The following CEP63 variants were observed in gnomAD, a reference collection of about 807,000 sequenced individuals.
CEP63 encodes the protein centrosomal protein 63.
Under a neutral mutation model 89.1 loss-of-function variants are expected in CEP63, and 84 were observed. The observed-to-expected ratio is 0.94, with a 90% CI of 0.79 to 1.13. The LOEUF (loss-of-function observed/expected upper bound fraction) is 1.13. Ranked by LOEUF, CEP63 falls within the 50% of genes most tolerant of loss-of-function variation. CEP63 has a pLI of 0.00. For synonymous variants in CEP63, 267 were observed against 272.5 expected (o/e 0.98, Z 0.20); for missense variants, 838 against 813.3 (o/e 1.03, Z -0.37).
chr3:134,767,805 A>G, the CEP63 span, among the ~76,000 whole-genome samples: 1 of 152,200 alleles, frequency 6.6e-6, no homozygotes, highest in Admixed American at 6.5e-5. Flanking sequence ...TGCTCTGTTC[A>G]GGGAACTCTT....
chr3:134,741,902 A>C, the CEP63 span, among the ~76,000 whole-genome samples: 1 of 152,124 alleles, frequency 6.6e-6, no homozygotes, highest in African/African-American at 2.4e-5. Context: ...GGAAGCTCAC[A>C]CTTGGCTGGA....
the CEP63 span, chr3:134,615,184 G>A: frequency 6.6e-6 from 1 of 152,110 alleles, no homozygotes; most frequent in Non-Finnish European, 1.5e-5. Flanking sequence ...CTCTCTCCAG[G>A]GCCCCATGCA....
chr3:134,590,357 T>C (rs900756195), downstream of CEP63, among the ~76,000 whole-genome samples: 2 of 152,350 alleles, frequency 1.3e-5, no homozygotes, highest in South Asian at 4.1e-4. Flanking sequence ...AATTGGATAC[T>C]AGGTCAATGC....
chr3:134,589,984 A>C (rs773914087), downstream of CEP63, among the ~76,000 whole-genome samples: 23 of 152,258 alleles, frequency 1.5e-4, no homozygotes, highest in Non-Finnish European at 2.9e-4. Flanking sequence ...TCCTAAGTGA[A>C]CTAACATAGG....
At chr3:134,511,800 GC>G (rs1368589811) in intron 3 of CEP63, among the ~76,000 whole-genome samples, 1 of 152,108 alleles carries the variant, frequency 6.6e-6, no homozygotes, top group African/African-American at 2.4e-5. Context: ...GGGGAAGTCT[GC>G]CCCCATGAGC....
At chr3:134,742,857 C>G in the CEP63 span, among the ~76,000 whole-genome samples, 9,677 of 152,264 alleles carry the variant, frequency 0.064, 530 homozygotes, top group South Asian at 0.31. Flanking sequence ...TTGTGGACTT[C>G]CAGCCTCCAG....
chr3:134,697,026 CT>C, the CEP63 span, among the ~76,000 whole-genome samples: 5 of 152,206 alleles, frequency 3.3e-5, no homozygotes, highest in African/African-American at 9.7e-5. Flanking sequence ...AGCACCAGCC[CT>C]TCTTCAAGGA....
chr3:134,755,228 ACCCTGAGCCCTGAGCCCTGAGCCCTGAG>A, the CEP63 span, among the ~76,000 whole-genome samples: 2 of 150,410 alleles, frequency 1.3e-5, no homozygotes, highest in African/African-American at 4.9e-5. Context: ...AGAGCCCTGA[ACCCTGAGCCCTGAGCCCTGAGCCCTGAG>A]CCCTGAGCCC....
the CEP63 span, among the ~76,000 whole-genome samples, chr3:134,597,392 G>A: frequency 1.3e-3 from 200 of 152,296 alleles, 1 homozygote; most frequent in Admixed American, 1.0e-3. Context: ...GATCCCAGAT[G>A]GCTTTGGGTA....
At chr3:134,691,048 C>A in the CEP63 span, among the ~76,000 whole-genome samples, 1 of 152,278 alleles carries the variant, frequency 6.6e-6, no homozygotes, top group East Asian at 1.9e-4. Flanking sequence ...CGTGCCTGGC[C>A]AAGATATTTT....
the CEP63 span, among the ~76,000 whole-genome samples, chr3:134,642,869 C>A: frequency 8.5e-5 from 13 of 152,200 alleles, no homozygotes; most frequent in African/African-American, 3.1e-4. Flanking sequence ...GAACACATGA[C>A]AGCCTTTCCA....
chr3:134,628,719 A>G, the CEP63 span, among the ~76,000 whole-genome samples: 2 of 152,194 alleles, frequency 1.3e-5, no homozygotes, highest in Non-Finnish European at 2.9e-5. Context: ...ATTTAATCTC[A>G]TAATAATCTT....
chr3:134,590,743 TTTTTTGCATACCTTTCACCA>T (rs1388926835), downstream of CEP63, among the ~76,000 whole-genome samples: 735 of 152,366 alleles, frequency 4.8e-3, 10 homozygotes, highest in African/African-American at 0.017. Flanking sequence ...ATTTGCTTAG[TTTTTTGCATACCTTTCACCA>T]GATGGTCCTC....
chr3:134,633,124 T>C, the CEP63 span, among the ~76,000 whole-genome samples: 148,283 of 152,128 alleles, frequency 0.97, 72,383 homozygotes, highest in East Asian at 1. Context: ...TAGTTTAAAA[T>C]CTTCCCCCCA....
intron 6 of CEP63, among the ~76,000 whole-genome samples, chr3:134,538,566 T>TATATATATATATATATATGTATATATA (rs1407833955): frequency 2.1e-5 from 3 of 144,046 alleles, no homozygotes; most frequent in Admixed American, 7.1e-5. Flanking sequence ...TATATATATA[T>TATATATATATATATATATGTATATATA]TTTTTTAACA....
chr3:134,601,704 C>T, the CEP63 span, among the ~76,000 whole-genome samples: 4 of 152,184 alleles, frequency 2.6e-5, no homozygotes, highest in Admixed American at 6.5e-5. Flanking sequence ...GACAGTTCAG[C>T]CCCCCAGGGG....
At chr3:134,676,015 A>C in the CEP63 span, among the ~76,000 whole-genome samples, 1 of 152,232 alleles carries the variant, frequency 6.6e-6, no homozygotes, top group African/African-American at 2.4e-5. Context: ...TGTACTACTC[A>C]GCAATTCCAC....
intron 3 of CEP63, among the ~76,000 whole-genome samples, chr3:134,526,248 A>C (rs1948619110): frequency 6.6e-6 from 1 of 151,942 alleles, no homozygotes; most frequent in South Asian, 2.1e-4. Flanking sequence ...ATTGCATTAT[A>C]AAATTCTTGT....
At chr3:134,746,038 T>A in the CEP63 span, among the ~76,000 whole-genome samples, 1 of 151,254 alleles carries the variant, frequency 6.6e-6, no homozygotes, top group Non-Finnish European at 1.5e-5. Flanking sequence ...TTACATTAGG[T>A]ATTTCTCCTA....
Sources: allele counts gnomAD v4.1 joint callset (sites outside exome capture counted in the v4.1 genomes callset), GRCh38; gene constraint gnomAD v4.1.1; transcripts MANE v1.5; gene names NCBI Gene and HGNC (gene_info 2026-07-23, HGNC 2026-07-21).